Variants in DENND1B observed in about 807,000 individuals in gnomAD.
DENND1B encodes the protein DENN domain containing 1B.
In DENND1B, 59 loss-of-function variants were observed where a neutral mutation model predicts 90.1. The observed-to-expected ratio is 0.65, with a 90% confidence interval of 0.53 to 0.81. The LOEUF (loss-of-function observed/expected upper bound fraction) is 0.81. Ranked by LOEUF, DENND1B falls within the 40% of genes least tolerant of loss-of-function variation. The pLI is 0.00. For synonymous variants in DENND1B, 337 were observed against 324.6 expected (o/e 1.04, Z -0.41); for missense variants, 862 against 912.6 (o/e 0.94, Z 0.71).
intron 3 of DENND1B, among the ~76,000 whole-genome samples, chr1:197,702,727 C>A (rs1431867190): frequency 6.6e-6 from 1 of 152,112 alleles, no homozygotes; most frequent in Non-Finnish European, 1.5e-5. Flanking sequence ...GAGATATGGG[C>A]AGCTCTGGCA....
At chr1:197,531,340 C>T (rs1669593281) in intron 20 of DENND1B, among the ~76,000 whole-genome samples, 1 of 152,036 alleles carries the variant, frequency 6.6e-6, no homozygotes. Context: ...ACAAAGGTCC[C>T]TGCAGAAATT....
chr1:197,568,163 A>G (rs545791908), intron 15 of DENND1B, among the ~76,000 whole-genome samples: 1 of 152,256 alleles, frequency 6.6e-6, no homozygotes, highest in South Asian at 2.1e-4. Flanking sequence ...TCAGTAATGT[A>G]GCAAGATACA....
At chr1:197,758,407 C>G (rs1654579052) in intron 2 of DENND1B, among the ~76,000 whole-genome samples, 1 of 151,972 alleles carries the variant, frequency 6.6e-6, no homozygotes, top group Non-Finnish European at 1.5e-5. Context: ...GTGATCATAC[C>G]TTTTTTCATA....
At chr1:197,618,777 A>T (rs1027584635) in intron 10 of DENND1B, among the ~76,000 whole-genome samples, 6 of 150,644 alleles carry the variant, frequency 4.0e-5, no homozygotes, top group African/African-American at 9.7e-5. Context: ...GATCAGAATT[A>T]AAAAAAAATC....
At chr1:197,599,086 T>C (rs546422661) in intron 13 of DENND1B, among the ~76,000 whole-genome samples, 2 of 151,840 alleles carry the variant, frequency 1.3e-5, no homozygotes, top group South Asian at 2.1e-4. Flanking sequence ...TTTTACCCTC[T>C]TAGCACTAAA....
chr1:197,529,791 C>T (rs1669489416), intron 20 of DENND1B, among the ~76,000 whole-genome samples: 1 of 152,006 alleles, frequency 6.6e-6, no homozygotes. Context: ...TTCACTAAGT[C>T]TCCAGTATTC....
At chr1:197,600,490 A>G (rs972579851) in intron 13 of DENND1B, among the ~76,000 whole-genome samples, 3 of 151,766 alleles carry the variant, frequency 2.0e-5, no homozygotes, top group Non-Finnish European at 4.4e-5. Context: ...ACGGCAAGGT[A>G]GACAAAGAGC....
chr1:197,634,243 C>T (rs915123678), intron 10 of DENND1B, among the ~76,000 whole-genome samples: 4 of 152,098 alleles, frequency 2.6e-5, no homozygotes, highest in African/African-American at 9.7e-5. Context: ...TCCCTTGTTA[C>T]CCCAATCCCA....
At chr1:197,719,550 T>C (rs958022206) in intron 2 of DENND1B, among the ~76,000 whole-genome samples, 2 of 152,216 alleles carry the variant, frequency 1.3e-5, no homozygotes, top group Non-Finnish European at 2.9e-5. Context: ...AAAGCAAAGC[T>C]TTCTGCTAAA....
chr1:197,529,326 A>G (rs1404885459), intron 20 of DENND1B, among the ~76,000 whole-genome samples: 8 of 142,908 alleles, frequency 5.6e-5, no homozygotes, highest in South Asian at 2.2e-4. Flanking sequence ...ATATGTGTGT[A>G]TATATATGTG....
intron 3 of DENND1B, among the ~76,000 whole-genome samples, chr1:197,702,459 G>A (rs1218243626): frequency 2.0e-5 from 3 of 152,006 alleles, no homozygotes; most frequent in African/African-American, 7.2e-5. Flanking sequence ...TCACTATTCT[G>A]GAAAACTTTA....
intron 3 of DENND1B, among the ~76,000 whole-genome samples, chr1:197,696,392 T>C (rs111609959): frequency 6.6e-6 from 1 of 151,554 alleles, no homozygotes; most frequent in South Asian, 2.1e-4. Context: ...CATTTCTTAA[T>C]GCATTTTCAT....
chr1:197,652,341 T>C (rs567109081), intron 6 of DENND1B, 26 bp from the exon 7 acceptor site: 2 of 1,588,144 alleles, frequency 1.3e-6, no homozygotes, highest in South Asian at 1.1e-5. Context: ...AAGTACATTT[T>C]ATAAATAAAA....
chr1:197,775,227 C>G lies in DENND1B; in HGVS notation c.-72G>C. ...CCTGGAAGCCCGCAGCCCGGCCGCG[C>G]GAGGGTCGCGCCGTCCCCGCCCACG... On this transcript the variant is annotated 5_prime_UTR_variant, in exon 1 of 23. Coordinates refer to ENST00000620048, the MANE Select transcript of DENND1B (RefSeq NM_001195215.2). 1 of 1,186,918 alleles carries G rather than the reference C, an allele frequency of 8.4e-7. No individual in the cohort carries two copies. Among genetic ancestry groups the G allele is most frequent in the Non-Finnish European group, 1.1e-6 (1 of 939,714 alleles). The allele number at this position is 1,186,918 out of a possible 1,614,324, so 73.5% of individuals were successfully genotyped here.
intron 3 of DENND1B, among the ~76,000 whole-genome samples, chr1:197,679,393 A>G (rs547615659): frequency 3.3e-5 from 5 of 151,554 alleles, no homozygotes; most frequent in African/African-American, 9.6e-5. Flanking sequence ...AAACCAATAT[A>G]CTATAACAAC....
intron 5 of DENND1B, among the ~76,000 whole-genome samples, chr1:197,671,527 G>A (rs778580853): frequency 1.3e-5 from 2 of 152,114 alleles, no homozygotes; most frequent in Non-Finnish European, 2.9e-5. Context: ...AAAGGAATTC[G>A]AAATATGAAC....
chr1:197,568,462 G>T (rs763972621), intron 15 of DENND1B, among the ~76,000 whole-genome samples: 6 of 151,956 alleles, frequency 3.9e-5, no homozygotes, highest in Non-Finnish European at 8.8e-5. Context: ...TCCTACCAAG[G>T]TTCCAATGAT....
chr1:197,698,229 T>C (rs1237294124), intron 3 of DENND1B, among the ~76,000 whole-genome samples: 1 of 152,100 alleles, frequency 6.6e-6, no homozygotes, highest in African/African-American at 2.4e-5. Flanking sequence ...CAGACCACAG[T>C]GCAATCAAAT....
At chr1:197,624,049 T>A (rs953091235) in intron 10 of DENND1B, among the ~76,000 whole-genome samples, 5 of 151,596 alleles carry the variant, frequency 3.3e-5, no homozygotes, top group African/African-American at 9.7e-5. Context: ...CCCAGCAAGT[T>A]TTCTTGTGGA....
Sources: allele counts gnomAD v4.1 joint callset (sites outside exome capture counted in the v4.1 genomes callset), GRCh38; gene constraint gnomAD v4.1.1; transcripts MANE v1.5; gene names NCBI Gene and HGNC (gene_info 2026-07-23, HGNC 2026-07-21).